FMN2: variants seen among roughly 807,000 people sequenced by gnomAD.
FMN2 encodes the protein formin-2.
A neutral mutation model predicts 142.3 loss-of-function variants in FMN2; 51 were observed. The observed-to-expected ratio is 0.36, with a 90% CI of 0.29 to 0.45. FMN2 has a LOEUF of 0.45. Among genes scored for constraint, FMN2 ranks in the 20% least tolerant of loss-of-function variants. The probability of loss-of-function intolerance (pLI) is 1.00; values close to 1 mark genes in which losing one functional copy is unlikely to be tolerated. For synonymous variants in FMN2, 882 were observed against 869.8 expected, an observed-to-expected ratio of 1.01 and a Z score of -0.25; for missense variants, 1,936 against 2,122.8, an observed-to-expected ratio of 0.91 and a Z score of 1.73.
At chr1:240,342,071 A>G (rs745736900) in intron 13 of FMN2, among the ~76,000 whole-genome samples, 1 of 152,158 alleles carries the variant, frequency 6.6e-6, no homozygotes, top group Non-Finnish European at 1.5e-5. Flanking sequence ...ATCTTTATCT[A>G]TTCCTCCACG....
Position 240,473,954 on chromosome 1 carries a change from CAA to C in FMN2, c.5143-172_5143-171del, listed in dbSNP as rs1256424360. 2.2e-5 allele frequency among the ~76,000 whole-genome samples: 3 copies of C among 136,954 alleles called. No homozygotes were observed. In the Admixed American group the frequency reaches 2.4e-4, roughly 11 times the overall value. 89.8% of individuals were successfully genotyped at this position (136,954 alleles called of 152,430 possible). ...GGCGATTTGTCTTGATAAAAGTGCTCAAAGATAACACAGATCCCACTTATACT... is the reference window on the plus strand; with the variant it reads ...GGCGATTTGTCTTGATAAAAGTGCTCAGATAACACAGATCCCACTTATACT... On this transcript the variant is annotated intron_variant, in intron 17 of 17. Coordinates refer to ENST00000319653, the MANE Select transcript of FMN2 (RefSeq NM_020066.5). This position sits in a 1 kb window ranked among gnomAD's most constrained non-coding sequence, Gnocchi z 4.3.
chr1:240,166,586 A>C (rs1664491001), intron 2 of FMN2, among the ~76,000 whole-genome samples: 1 of 152,192 alleles, frequency 6.6e-6, no homozygotes, highest in Non-Finnish European at 1.5e-5. Flanking sequence ...TTGGCAACAT[A>C]CCATAAACAG....
In FMN2 at chr1:240,339,803, G is replaced by T. The variant is rs80308931; in HGVS notation, c.4765+5574G>T. Among the ~76,000 whole-genome samples, 932 of 151,926 alleles carry T rather than the reference G, an allele frequency of 6.1e-3. 12 individuals carry two copies. Among genetic ancestry groups the T allele is most frequent in the African/African-American group, 0.021 (871 of 41,472 alleles). The stretch of plus-strand genomic sequence containing the variant: ...AATTTTTGCAATTTTTGTCCACTCA[G>T]TTTCTGGTCTATACTAGGATAATTT... On this transcript the variant is annotated intron_variant, in intron 13 of 17. Coordinates refer to ENST00000319653, the MANE Select transcript of FMN2 (RefSeq NM_020066.5).
chr1:240,197,969 A>T (rs1665977479), intron 4 of FMN2, among the ~76,000 whole-genome samples: 1 of 152,110 alleles, frequency 6.6e-6, no homozygotes, highest in African/African-American at 2.4e-5. Context: ...GTGCCTGGCC[A>T]GGAAGATTTT....
intron 16 of FMN2, among the ~76,000 whole-genome samples, chr1:240,468,322 GCA>G (rs1206798916): frequency 1.3e-5 from 2 of 148,562 alleles, no homozygotes; most frequent in East Asian, 3.9e-4. Context: ...ATATACATAT[GCA>G]CACACACATA....
intron 2 of FMN2, among the ~76,000 whole-genome samples, chr1:240,164,696 TC>T (rs1420695397): frequency 4.6e-5 from 7 of 152,208 alleles, no homozygotes; most frequent in African/African-American, 1.7e-4. Flanking sequence ...ACAAAAATAA[TC>T]TGTTTATTCA....
chr1:240,173,514 A>G (rs1372980846), intron 2 of FMN2, among the ~76,000 whole-genome samples: 1 of 152,066 alleles, frequency 6.6e-6, no homozygotes, highest in Non-Finnish European at 1.5e-5. Context: ...TAGATTTTTT[A>G]ATGATTGATT....
intron 1 of FMN2, among the ~76,000 whole-genome samples, chr1:240,101,250 G>A (rs922662995): frequency 1.3e-5 from 2 of 152,140 alleles, no homozygotes; most frequent in Admixed American, 1.3e-4. Context: ...CAGCACTGTG[G>A]TTCTATAGAT....
At chr1:240,450,143 T>C (rs1336167220) in intron 16 of FMN2, among the ~76,000 whole-genome samples, 1 of 152,182 alleles carries the variant, frequency 6.6e-6, no homozygotes, top group Non-Finnish European at 1.5e-5. Flanking sequence ...ATTTTGCAAT[T>C]TTTAAGAGTA....
At chr1:240,413,120 C>CTCAAAAA (rs1259612812) in intron 15 of FMN2, among the ~76,000 whole-genome samples, 7 of 24,566 alleles carry the variant, frequency 2.8e-4, no homozygotes, top group Admixed American at 9.2e-4. Flanking sequence ...GAGACTCTGT[C>CTCAAAAA]AAAAAAAAAA....
At chr1:240,204,790 G>C (rs1666263922) in intron 4 of FMN2, among the ~76,000 whole-genome samples, 1 of 152,034 alleles carries the variant, frequency 6.6e-6, no homozygotes, top group Non-Finnish European at 1.5e-5. Flanking sequence ...GAGATGGGGG[G>C]AAAAAGGTGC....
chr1:240,159,907 A>ATG (rs1250145543), intron 2 of FMN2, among the ~76,000 whole-genome samples: 2 of 44,466 alleles, frequency 4.5e-5, no homozygotes, highest in Admixed American at 4.7e-4. Flanking sequence ...ATATCTGTGT[A>ATG]TATATATATA....
At chr1:240,237,178 G>A (rs1205221881) in intron 6 of FMN2, among the ~76,000 whole-genome samples, 1 of 152,182 alleles carries the variant, frequency 6.6e-6, no homozygotes, top group African/African-American at 2.4e-5. Context: ...TAAAGACTGG[G>A]CTAACAGTTC....
At chr1:240,228,940 T>A (rs1289424632) in intron 6 of FMN2, among the ~76,000 whole-genome samples, 1 of 152,164 alleles carries the variant, frequency 6.6e-6, no homozygotes, top group African/African-American at 2.4e-5. Flanking sequence ...TAAAGATATA[T>A]GGACTGTGAT....
chr1:240,421,890 A>G (rs2103143760), intron 15 of FMN2, among the ~76,000 whole-genome samples: 1 of 152,212 alleles, frequency 6.6e-6, no homozygotes, highest in South Asian at 2.1e-4. Flanking sequence ...GAAATCAAGG[A>G]CAAGGACAGG....
At chr1:240,282,950 G>C (rs73122310) in intron 7 of FMN2, among the ~76,000 whole-genome samples, 2 of 152,114 alleles carry the variant, frequency 1.3e-5, no homozygotes, top group Non-Finnish European at 2.9e-5. Flanking sequence ...GCCCAGGTGT[G>C]CAGATTTTCA....
chr1:240,355,799 G>A lies in FMN2; in HGVS notation c.4766-17G>A, dbSNP rs1260598444. 6 of 1,582,418 alleles carry A rather than the reference G, an allele frequency of 3.8e-6. No homozygotes were observed. Among genetic ancestry groups the A allele is most frequent in the Non-Finnish European group, 5.2e-6 (6 of 1,153,252 alleles). On this transcript the variant is annotated splice_polypyrimidine_tract_variant and intron_variant, in intron 13 of 17. Coordinates refer to ENST00000319653, the MANE Select transcript of FMN2 (RefSeq NM_020066.5). ...CTAACAGTGTGACACTCTAAATAAT[G>A]TTCTGTCTAATTTCAGCCTGTGAAG...
chr1:240,335,760 A>G (rs887297628), intron 13 of FMN2, among the ~76,000 whole-genome samples: 2 of 152,180 alleles, frequency 1.3e-5, no homozygotes, highest in Non-Finnish European at 2.9e-5. Context: ...TAGGCATTAA[A>G]CATACATGTA....
chr1:240,217,508 T>G (rs540010461), intron 6 of FMN2, among the ~76,000 whole-genome samples: 2 of 152,198 alleles, frequency 1.3e-5, no homozygotes, highest in Non-Finnish European at 2.9e-5. Context: ...ATTTGGTACT[T>G]TGTAACTTTT....
Sources: allele counts gnomAD v4.1 joint callset (sites outside exome capture counted in the v4.1 genomes callset), GRCh38; gene constraint gnomAD v4.1.1; non-coding constraint Gnocchi (gnomAD v3.1); transcripts MANE v1.5; gene names NCBI Gene and HGNC (gene_info 2026-07-23, HGNC 2026-07-21).